Variants in SCN4B observed in about 807,000 individuals in gnomAD.
The protein encoded by SCN4B is sodium channel regulatory subunit beta-4.
Under a neutral mutation model 19.6 loss-of-function variants are expected in SCN4B, and 20 were observed. That is an observed-to-expected ratio of 1.02 (90% confidence interval 0.72 to 1.48). The LOEUF (loss-of-function observed/expected upper bound fraction) is 1.48, where lower values mean the gene tolerates loss of function less well. Among genes scored for constraint, SCN4B ranks in the 40% most tolerant of loss-of-function variants. The probability of loss-of-function intolerance (pLI) is 0.00; values close to 1 mark genes in which losing one functional copy is unlikely to be tolerated. For missense variants in SCN4B, 271 were observed against 287.5 expected (o/e 0.94, Z 0.42); for synonymous variants, 127 against 122.8 (o/e 1.03, Z -0.22).
intron 3 of SCN4B, among the ~76,000 whole-genome samples, chr11:118,142,359 A>G (rs1948109992): frequency 6.6e-6 from 1 of 152,020 alleles, no homozygotes; most frequent in South Asian, 2.1e-4. Context: ...TTCCCTCCCT[A>G]TCTTCCCAAA....
chr11:118,135,105 G>C lies in SCN4B; in HGVS notation c.*1922C>G, dbSNP rs890301752. 2 of 454,134 alleles carry C rather than the reference G, an allele frequency of 4.4e-6. No homozygotes were observed. The highest frequency in any genetic ancestry group is 8.8e-6 in the Non-Finnish European group (2 of 226,794). 28.1% of individuals were successfully genotyped at this position (454,134 alleles called of 1,614,324 possible). ...CAGTTTTGCATGAAGGTAGCTATAA[G>C]AAGTTTTCTGAATGGCTGGTGGCTC... On this transcript the variant is annotated 3_prime_UTR_variant, in exon 5 of 5. Transcript: ENST00000324727.
chr11:118,134,924 TC>T lies in SCN4B; in HGVS notation c.*2102del, dbSNP rs1362678624. ...AGCTGAGCTGAGAGAAGCTGCATGATCCATCTAGAAATCAGCAGTAGACCCT... is the reference window on the plus strand; with the variant it reads ...AGCTGAGCTGAGAGAAGCTGCATGATCATCTAGAAATCAGCAGTAGACCCT... On this transcript the variant is annotated 3_prime_UTR_variant, in exon 5 of 5. Coordinates refer to ENST00000324727, the MANE Select transcript of SCN4B (RefSeq NM_174934.4). The T allele has an allele frequency of 2.2e-6, 1 of 453,928 alleles. No individual in the cohort carries two copies. Among genetic ancestry groups the T allele is most frequent in the Non-Finnish European group, 4.4e-6 (1 of 226,778 alleles). 28.1% of individuals were successfully genotyped at this position (453,928 alleles called of 1,614,324 possible). A position where few individuals can be genotyped will look rare whatever the true frequency, so the allele number is the denominator to read the frequency against.
At chr11:118,151,590 A>G (rs1948233233) in intron 1 of SCN4B, among the ~76,000 whole-genome samples, 2 of 152,240 alleles carry the variant, frequency 1.3e-5, no homozygotes, top group African/African-American at 2.4e-5. Flanking sequence ...AGATCTGCAC[A>G]CAGTTTACAT....
chr11:118,140,199 C>T (rs990046829), intron 4 of SCN4B, among the ~76,000 whole-genome samples: 4 of 152,226 alleles, frequency 2.6e-5, no homozygotes, highest in Non-Finnish European at 4.4e-5. Flanking sequence ...GCCCCTCTCA[C>T]GATCACCAAA....
In SCN4B at chr11:118,135,615, C is replaced by T. The variant is rs895703098; in HGVS notation, c.*1412G>A. 4 of 454,030 alleles carry T rather than the reference C, an allele frequency of 8.8e-6. No individual in the cohort carries two copies. Among genetic ancestry groups the T allele is most frequent in the Non-Finnish European group, 1.8e-5 (4 of 226,776 alleles). 28.1% of individuals were successfully genotyped at this position (454,030 alleles called of 1,614,324 possible). ...TAGAAACCCCAATGGGAGCACCTGGCCGACATCTCCAAGATTCAGTCACTG... is the reference window on the plus strand; with the variant it reads ...TAGAAACCCCAATGGGAGCACCTGGTCGACATCTCCAAGATTCAGTCACTG... On this transcript the variant is annotated 3_prime_UTR_variant, in exon 5 of 5. Transcript: ENST00000324727.
rs1372329494 is a variant in SCN4B, at chr11:118,136,172, G to T, written c.*855C>A. On this transcript the variant is annotated 3_prime_UTR_variant, in exon 5 of 5. Transcript: ENST00000324727. ...TGCCATGCCAGGGGAGGGGCTGCCA[G>T]CATTGGCAGCAATGGGGCGGGCATC... is the stretch of plus-strand genomic sequence containing the variant. The T allele has an allele frequency of 2.2e-6, 1 of 453,472 alleles. No homozygotes were observed. The highest frequency in any genetic ancestry group is 4.4e-6 in the Non-Finnish European group (1 of 226,572). The allele number at this position is 453,472 out of a possible 1,614,324, so 28.1% of individuals were successfully genotyped here.
At chr11:118,146,237 C>G (rs1015807730) in intron 1 of SCN4B, among the ~76,000 whole-genome samples, 1 of 152,202 alleles carries the variant, frequency 6.6e-6, no homozygotes, top group Non-Finnish European at 1.5e-5. Context: ...GGGACTAGGC[C>G]TCTCCACTCA....
rs1947959076 is a variant in SCN4B at position 118,134,191 on chromosome 11, A to G, written c.*2836T>C. 5 of 454,152 alleles carry G rather than the reference A, an allele frequency of 1.1e-5. No individual in the cohort carries two copies. Among genetic ancestry groups the G allele is most frequent in the Non-Finnish European group, 2.2e-5 (5 of 226,786 alleles). The allele number at this position is 454,152 out of a possible 1,614,324, so 28.1% of individuals were successfully genotyped here. A position where few individuals can be genotyped will look rare whatever the true frequency, so the allele number is the denominator to read the frequency against. ...GGGCTGCCTTCTGTTCAATTACGAC[A>G]TGGGGAGAAGCCCAGAACCTGGAAT... is the stretch of plus-strand genomic sequence containing the variant. On this transcript the variant is annotated 3_prime_UTR_variant, in exon 5 of 5. Transcript: ENST00000324727.
intron 4 of SCN4B, among the ~76,000 whole-genome samples, chr11:118,139,216 CT>C (rs1948064401): frequency 6.6e-6 from 1 of 152,218 alleles, no homozygotes; most frequent in African/African-American, 2.4e-5. Context: ...AAACAAAAGG[CT>C]TGTTCTCCAG....
Position 118,141,264 on chromosome 11 carries a change from A to G in SCN4B, c.536T>C (p.Leu179Pro). Residue 179 changes from leucine to proline, a missense_variant, in exon 4 of 5, where the codon CTC (leucine) becomes CCC (proline). Physicochemically the swap from Leu to Pro is moderately conservative, Grantham distance 98. Coordinates refer to ENST00000324727, the MANE Select transcript of SCN4B (RefSeq NM_174934.4). ...GATGAGTTTCTTGATCAGCAGGATG[A>G]GGATGAGGAGCCCGATGACCCCGCC... is the stretch of plus-strand genomic sequence containing the variant. ...VVGGVIGLLI[L>P]ILLIKKLIIF... 6.2e-7 allele frequency: 1 copy of G among 1,612,806 alleles called. No homozygotes were observed. Among genetic ancestry groups the G allele is most frequent in the South Asian group, 1.1e-5 (1 of 91,010 alleles).
At position 118,135,166 on chromosome 11, in the gene SCN4B, C is replaced by G; in HGVS notation, c.*1861G>C. ...GCTCCCAAAGCCAGGAAAATCTGAG[C>G]CCCAGCCCATGACAGGTTCTGGGTA... On this transcript the variant is annotated 3_prime_UTR_variant, in exon 5 of 5. Coordinates refer to ENST00000324727, the MANE Select transcript of SCN4B (RefSeq NM_174934.4). 2.2e-6 allele frequency: 1 copy of G among 454,100 alleles called. No homozygotes were observed. The highest frequency in any genetic ancestry group is 1.6e-5 in the South Asian group (1 of 64,482). The allele number at this position is 454,100 out of a possible 1,614,324, so 28.1% of individuals were successfully genotyped here.
At chr11:118,138,977 G>T (rs945188088) in intron 4 of SCN4B, among the ~76,000 whole-genome samples, 1 of 151,924 alleles carries the variant, frequency 6.6e-6, no homozygotes, top group African/African-American at 2.4e-5. Context: ...GCTTCCCTAC[G>T]GTCTGTCCCC....
Position 118,133,995 on chromosome 11 carries a change from C to T in SCN4B, c.*3032G>A. ...TCCACTCCACAGTTACGCTGCCATG[C>T]ACCCACACTGCCTGCACACGCACAC... On this transcript the variant is annotated 3_prime_UTR_variant, in exon 5 of 5. Coordinates refer to ENST00000324727, the MANE Select transcript of SCN4B (RefSeq NM_174934.4). 1 of 454,750 alleles carries T rather than the reference C, an allele frequency of 2.2e-6. No individual in the cohort carries two copies. The highest frequency in any genetic ancestry group is 4.4e-6 in the Non-Finnish European group (1 of 226,776). 28.2% of individuals were successfully genotyped at this position (454,750 alleles called of 1,614,324 possible).
rs1948001600 is a variant in SCN4B, at chr11:118,136,205, C to G, written c.*822G>C. ...AGCAATGGGGCGGGCATCCCAGAGG[C>G]CCAGGACACTGGCTCACTACCTCTG... On this transcript the variant is annotated 3_prime_UTR_variant, in exon 5 of 5. Transcript: ENST00000324727. 1 of 453,760 alleles carries G rather than the reference C, an allele frequency of 2.2e-6. No homozygotes were observed. Among genetic ancestry groups the G allele is most frequent in the Non-Finnish European group, 4.4e-6 (1 of 226,672 alleles). The allele number at this position is 453,760 out of a possible 1,614,324, so 28.1% of individuals were successfully genotyped here.
At chr11:118,142,454 C>T (rs1948110909) in intron 3 of SCN4B, among the ~76,000 whole-genome samples, 1 of 152,256 alleles carries the variant, frequency 6.6e-6, no homozygotes, top group South Asian at 2.1e-4. Context: ...ATTCACCCTG[C>T]TGGCACCCCA....
Position 118,145,146 on chromosome 11 carries a change from T to G in SCN4B, c.145A>C (p.Ile49Leu). 6.2e-7 allele frequency: 1 copy of G among 1,613,994 alleles called. No individual in the cohort carries two copies. The highest frequency in any genetic ancestry group is 8.5e-7 in the Non-Finnish European group (1 of 1,179,990). The stretch of plus-strand genomic sequence containing the variant: ...CTGGAGAAGGTGCAGGGCAGCAGGA[T>G]CTCCGTGCCATTGACAGCGTAGATG... ...TDIYAVNGTE[I>L]LLPCTFSSCF... Residue 49 changes from isoleucine (I) to leucine (L), a missense_variant, in exon 2 of 5, where the codon ATC becomes CTC. Transcript: ENST00000324727.
At chr11:118,138,336 T>C (rs2135498828) in intron 4 of SCN4B, among the ~76,000 whole-genome samples, 1 of 152,348 alleles carries the variant, frequency 6.6e-6, no homozygotes, top group South Asian at 2.1e-4. Flanking sequence ...AAGATCTTCC[T>C]AGATCCCTTT....
At chr11:118,152,106 G>T (rs1948238691) in intron 1 of SCN4B, among the ~76,000 whole-genome samples, 1 of 152,178 alleles carries the variant, frequency 6.6e-6, no homozygotes, top group South Asian at 2.1e-4. Flanking sequence ...GGAGGTACAG[G>T]GCAGAGGAGC....
intron 4 of SCN4B, 60 bp from the exon 5 acceptor site, chr11:118,137,180 G>A (rs2135497848): frequency 7.6e-7 from 1 of 1,309,378 alleles, no homozygotes; most frequent in Non-Finnish European, 1.1e-6. Flanking sequence ...GGGGAGAATT[G>A]TGGCAGGAGC....
Sources: allele counts gnomAD v4.1 joint callset (sites outside exome capture counted in the v4.1 genomes callset), GRCh38; gene constraint gnomAD v4.1.1; transcripts MANE v1.5; gene names NCBI Gene and HGNC (gene_info 2026-07-23, HGNC 2026-07-21).